GRID2: variants seen among roughly 807,000 people sequenced by gnomAD.
GRID2 encodes the protein glutamate receptor ionotropic, delta-2.
Under a neutral mutation model 114.8 loss-of-function variants are expected in GRID2, and 33 were observed. The ratio of observed to expected loss-of-function variants is 0.29; its 90% CI spans 0.22 to 0.38. GRID2 has a LOEUF of 0.38. Among genes scored for constraint, GRID2 ranks in the 10% least tolerant of loss-of-function variants. The probability of loss-of-function intolerance (pLI) is 1.00; values close to 1 mark genes in which losing one functional copy is unlikely to be tolerated. For synonymous variants in GRID2, 505 were observed against 449.9 expected (o/e 1.12, Z -1.55); for missense variants, 1,184 against 1,257.7 (o/e 0.94, Z 0.89).
At chr4:92,932,787 T>A (rs1173177625) in intron 2 of GRID2, among the ~76,000 whole-genome samples, 1 of 151,376 alleles carries the variant, frequency 6.6e-6, no homozygotes, top group Admixed American at 6.6e-5. Flanking sequence ...AAGTCTTTAT[T>A]GAGCTAAAAA....
intron 1 of GRID2, among the ~76,000 whole-genome samples, chr4:92,419,303 C>A (rs1001164520): frequency 6.6e-6 from 1 of 152,050 alleles, no homozygotes; most frequent in Non-Finnish European, 1.5e-5. Flanking sequence ...TCCTAAAACT[C>A]TTACATGTAG....
chr4:93,704,641 CT>C (rs1487927733), intron 14 of GRID2, among the ~76,000 whole-genome samples: 1 of 152,168 alleles, frequency 6.6e-6, no homozygotes, highest in Non-Finnish European at 1.5e-5. Context: ...TAACCATCAT[CT>C]TGCTCTTTAT....
intron 1 of GRID2, among the ~76,000 whole-genome samples, chr4:93,782,481 T>C (rs1299833423): frequency 6.6e-6 from 1 of 152,146 alleles, no homozygotes; most frequent in Non-Finnish European, 1.5e-5. Context: ...TCAGAAAGCA[T>C]CCACTAACAC....
intron 2 of GRID2, among the ~76,000 whole-genome samples, chr4:92,827,985 A>G (rs777888692): frequency 2.6e-5 from 4 of 152,058 alleles, no homozygotes; most frequent in Non-Finnish European, 4.4e-5. Context: ...TCCACAAATG[A>G]TCAGATTAAT....
chr4:93,647,210 G>A (rs1255131729), intron 14 of GRID2, among the ~76,000 whole-genome samples: 1 of 152,080 alleles, frequency 6.6e-6, no homozygotes, highest in Admixed American at 6.5e-5. Flanking sequence ...AAAAAGATAG[G>A]CACCTTTTTA....
In GRID2 at chr4:93,214,467, T is replaced by C. The variant is rs139103495; in HGVS notation, c.790-2271T>C. Reference sequence around the variant, plus strand: ...CCGTAAATATAAAATAGCTGCCTAATCAAGTTTTCATATCACTGTTAAACT... The same window carrying C: ...CCGTAAATATAAAATAGCTGCCTAACCAAGTTTTCATATCACTGTTAAACT... On this transcript the variant is annotated intron_variant, in intron 5 of 15. Transcript: ENST00000282020. 1.2e-3 allele frequency among the ~76,000 whole-genome samples: 182 copies of C among 152,174 alleles called. 7 individuals are homozygous for C. In the East Asian group the frequency reaches 0.034, roughly 28 times the overall value.
intron 2 of GRID2, among the ~76,000 whole-genome samples, chr4:93,064,332 T>G (rs1331725554): frequency 6.6e-6 from 1 of 151,752 alleles, no homozygotes; most frequent in African/African-American, 2.4e-5. Context: ...GAAATAGTAA[T>G]GTGACCTACT....
At chr4:92,384,499 T>G (rs1729788326) in intron 1 of GRID2, among the ~76,000 whole-genome samples, 1 of 39,342 alleles carries the variant, frequency 2.5e-5, no homozygotes, top group African/African-American at 1.1e-4. Context: ...ATAATAAAAA[T>G]ATATATTATA....
chr4:93,578,724 G>A (rs1736678161), intron 13 of GRID2, among the ~76,000 whole-genome samples: 1 of 150,854 alleles, frequency 6.6e-6, no homozygotes, highest in Non-Finnish European at 1.5e-5. Flanking sequence ...CTCCCAAGTA[G>A]CTGGGACTAC....
intron 9 of GRID2, 126 bp downstream of exon 9, chr4:93,395,834 A>AT (rs33932400): frequency 0.053 from 26,293 of 499,888 alleles, 950 homozygotes; most frequent in South Asian, 0.073. Flanking sequence ...GCTTTCTAAG[A>AT]TTTTTTAATG....
intron 10 of GRID2, among the ~76,000 whole-genome samples, chr4:93,435,120 C>G (rs567684665): frequency 6.6e-6 from 1 of 152,156 alleles, no homozygotes; most frequent in East Asian, 1.9e-4. Context: ...CTGACTTGTT[C>G]ATTTGTCTTC....
Position 92,499,762 on chromosome 4 carries a change from G to T in GRID2, c.89-90369G>T, listed in dbSNP as rs141237660. On this transcript the variant is annotated intron_variant, in intron 1 of 15. Transcript: ENST00000282020. ...CCCAAGTAGCTGGAATTACAGGGAC[G>T]CACCACCATGCCCAGTTAACTTTTG... Among the ~76,000 whole-genome samples, 794 of 152,138 alleles carry T rather than the reference G, an allele frequency of 5.2e-3. 6 individuals are homozygous for T. Among genetic ancestry groups the T allele is most frequent in the African/African-American group, 0.018 (756 of 41,540 alleles).
chr4:92,583,018 A>G (rs1728255217), intron 1 of GRID2, among the ~76,000 whole-genome samples: 1 of 151,988 alleles, frequency 6.6e-6, no homozygotes, highest in Non-Finnish European at 1.5e-5. Context: ...AAGTAAAAAT[A>G]TACATATTAT....
intron 10 of GRID2, among the ~76,000 whole-genome samples, chr4:93,425,306 A>T (rs1365032781): frequency 6.6e-6 from 1 of 152,196 alleles, no homozygotes; most frequent in Non-Finnish European, 1.5e-5. Flanking sequence ...TAGTTAAATC[A>T]CTATCTGTTC....
chr4:92,366,804 G>A (rs1034825684), intron 1 of GRID2, among the ~76,000 whole-genome samples: 23 of 151,888 alleles, frequency 1.5e-4, no homozygotes, highest in Admixed American at 4.6e-4. Flanking sequence ...CTCAGGCTAC[G>A]ATAACAGCAA....
intron 2 of GRID2, among the ~76,000 whole-genome samples, chr4:92,922,988 G>C (rs1749491384): frequency 6.6e-6 from 1 of 152,220 alleles, no homozygotes; most frequent in South Asian, 2.1e-4. Flanking sequence ...TAATTATTTT[G>C]TGAAAATACC....
chr4:93,387,556 G>A (rs868867230), intron 8 of GRID2, among the ~76,000 whole-genome samples: 6 of 152,104 alleles, frequency 3.9e-5, no homozygotes, highest in East Asian at 3.9e-4. Context: ...CAGGCCAGGC[G>A]CGGTGGCTGA....
intron 13 of GRID2, among the ~76,000 whole-genome samples, chr4:93,527,657 A>G (rs552828257): frequency 6.6e-6 from 1 of 152,224 alleles, no homozygotes; most frequent in African/African-American, 2.4e-5. Flanking sequence ...CATTTTTTCA[A>G]TGCAAATTTT....
intron 14 of GRID2, among the ~76,000 whole-genome samples, chr4:93,732,411 A>T (rs1159768042): frequency 5.9e-5 from 9 of 152,220 alleles, no homozygotes; most frequent in Admixed American, 5.9e-4. Context: ...GTAAAGTATT[A>T]CATAAAATAA....
Sources: allele counts gnomAD v4.1 joint callset (sites outside exome capture counted in the v4.1 genomes callset), GRCh38; gene constraint gnomAD v4.1.1; transcripts MANE v1.5; gene names NCBI Gene and HGNC (gene_info 2026-07-23, HGNC 2026-07-21).